The following CYFIP1 variants were observed in gnomAD, a reference collection of about 807,000 sequenced individuals.
CYFIP1 encodes cytoplasmic FMR1 interacting protein 1.
A neutral mutation model predicts 163.5 loss-of-function variants in CYFIP1; 58 were observed. That is an observed-to-expected ratio of 0.35 (90% CI 0.29 to 0.44). The LOEUF is 0.44. CYFIP1 is among the 20% of genes least tolerant of loss of function. The pLI, the probability that CYFIP1 is intolerant of heterozygous loss-of-function variation, is 1.00. For missense variants in CYFIP1, 1,338 were observed against 1,653.8 expected (o/e 0.81, Z 3.31); for synonymous variants, 663 against 660.7 (o/e 1.00, Z -0.05).
Position 22,961,148 on chromosome 15 carries a change from A to G in CYFIP1, c.-6-13857T>C, listed in dbSNP as rs528018141. Among the ~76,000 whole-genome samples, 75 of 151,706 alleles carry G rather than the reference A, an allele frequency of 4.9e-4. No individual in the cohort carries two copies. The East Asian group carries it at 0.01, about 21-fold the overall frequency. On this transcript the variant is annotated intron_variant, in intron 1 of 30. Transcript: ENST00000617928. Reference sequence around the variant, plus strand: ...GTGATTCTCCTGCCTCAGCCTCCCGAGAAGCTGGGATTACAGGGGCTCGCC... The same window carrying G: ...GTGATTCTCCTGCCTCAGCCTCCCGGGAAGCTGGGATTACAGGGGCTCGCC...
At chr15:22,945,492 C>A (rs1488376685) in intron 3 of CYFIP1, among the ~76,000 whole-genome samples, 2 of 152,178 alleles carry the variant, frequency 1.3e-5, no homozygotes, top group African/African-American at 4.8e-5. Context: ...CTTTTGCTTT[C>A]CACTCTTTAA....
chr15:22,916,453 A>T (rs767580146), intron 16 of CYFIP1, 24 bp downstream of exon 16: 1 of 1,552,440 alleles, frequency 6.4e-7, no homozygotes, highest in Non-Finnish European at 8.9e-7. Context: ...GCCAGGCCGG[A>T]TGCTGCTCAG....
chr15:22,903,604 C>G, intron 22 of CYFIP1, 102 bp downstream of exon 22: 1 of 1,239,100 alleles, frequency 8.1e-7, no homozygotes, highest in Non-Finnish European at 1.2e-6. Flanking sequence ...TGGGGAGCAG[C>G]AAGAGCAGGG....
intron 1 of CYFIP1, among the ~76,000 whole-genome samples, chr15:22,970,522 C>T (rs2063057001): frequency 6.6e-6 from 1 of 152,208 alleles, no homozygotes; most frequent in African/African-American, 2.4e-5. Context: ...GGAGACTTCA[C>T]TCCTTTTTAT....
intron 21 of CYFIP1, among the ~76,000 whole-genome samples, chr15:22,906,145 T>C (rs1191147864): frequency 1.3e-5 from 2 of 151,748 alleles, no homozygotes; most frequent in Non-Finnish European, 2.9e-5. Flanking sequence ...CTTGCTCTGT[T>C]GCCTAGGCTG....
intron 1 of CYFIP1, among the ~76,000 whole-genome samples, chr15:22,965,019 G>C (rs1465865859): frequency 1.3e-5 from 2 of 149,406 alleles, no homozygotes; most frequent in African/African-American, 5.0e-5. Flanking sequence ...TCTTTTTAAA[G>C]GCTGAATAGT....
At chr15:22,916,423 T>C (rs923120123) in intron 16 of CYFIP1, 54 bp downstream of exon 16, 6 of 1,312,398 alleles carry the variant, frequency 4.6e-6, no homozygotes, top group Non-Finnish European at 6.5e-6. Context: ...TTCTAGACGG[T>C]GTTAGTGGTG....
rs1299067189 is a variant in CYFIP1, at chr15:22,909,512, C to T, written c.2269-199G>A. ...GGTGTTATGACGATAAATAAAATTACTCCATCTCTATTTTGGCCTACTAGG... is the reference window on the plus strand; with the variant it reads ...GGTGTTATGACGATAAATAAAATTATTCCATCTCTATTTTGGCCTACTAGG... On this transcript the variant is annotated intron_variant, in intron 20 of 30. Transcript: ENST00000617928. Among the ~76,000 whole-genome samples, 3 of 152,252 alleles carry T rather than the reference C, an allele frequency of 2.0e-5. No homozygotes were observed. The East Asian group carries it at 5.8e-4, about 29-fold the overall frequency.
chr15:22,923,499 C>A lies in CYFIP1; in HGVS notation c.1359+2483G>T, dbSNP rs2061255665. Among the ~76,000 whole-genome samples, 2 of 152,068 alleles carry A rather than the reference C, an allele frequency of 1.3e-5. 1 individual carries two copies. Among genetic ancestry groups the A allele is most frequent in the Non-Finnish European group, 2.9e-5 (2 of 68,012 alleles). On this transcript the variant is annotated intron_variant, in intron 13 of 30. Coordinates refer to ENST00000617928, the MANE Select transcript of CYFIP1 (RefSeq NM_014608.6). ...GGTGTGGATGTGGGGAAACTGGAGCCCTCACTTACTGCTGGTAAGAAGGAG... is the reference window on the plus strand; with the variant it reads ...GGTGTGGATGTGGGGAAACTGGAGCACTCACTTACTGCTGGTAAGAAGGAG...
Position 22,943,359 on chromosome 15 carries a change from G to A in CYFIP1, c.388-5C>T, listed in dbSNP as rs758923876. On this transcript the variant is annotated splice_region_variant and splice_polypyrimidine_tract_variant and intron_variant, in intron 5 of 30. Transcript: ENST00000617928. ...GAAACGCTCAATGGCATTTCTCTGT[G>A]CAGAGGAAGCAGGAGGGCAGAAAGC... 2.5e-6 allele frequency: 4 copies of A among 1,613,098 alleles called. No homozygotes were observed. In the South Asian group the frequency reaches 4.4e-5, roughly 18 times the overall value.
At chr15:22,923,492 CTG>C (rs778512931) in intron 13 of CYFIP1, among the ~76,000 whole-genome samples, 4 of 152,146 alleles carry the variant, frequency 2.6e-5, no homozygotes, top group Non-Finnish European at 5.9e-5. Context: ...TGTGGGGAAA[CTG>C]GAGCCCTCAC....
At chr15:22,946,755 G>A in intron 3 of CYFIP1, 1 of 655,468 alleles carries the variant, frequency 1.5e-6, no homozygotes. Flanking sequence ...GCATTAACAG[G>A]GCAGGTGCAC....
At chr15:22,979,041 T>C (rs147864296) in intron 1 of CYFIP1, among the ~76,000 whole-genome samples, 154 of 152,284 alleles carry the variant, frequency 1.0e-3, no homozygotes, top group African/African-American at 3.6e-3. Context: ...GTACATTTTC[T>C]TTGAGCGCAG....
intron 18 of CYFIP1, among the ~76,000 whole-genome samples, chr15:22,911,461 G>A (rs926378826): frequency 3.3e-5 from 5 of 152,330 alleles, no homozygotes; most frequent in Middle Eastern, 3.4e-3. Context: ...AGGCACCACC[G>A]AGGGCCTTCC....
At position 22,881,861 on chromosome 15, in the gene CYFIP1, C is replaced by T. The variant is rs1228994101; in HGVS notation, c.2896G>A (p.Glu966Lys). 2 of 1,611,234 alleles carry T rather than the reference C, an allele frequency of 1.2e-6. No homozygotes were observed. Among genetic ancestry groups the T allele is most frequent in the South Asian group, 1.1e-5 (1 of 91,072 alleles). The change falls in exon 25 of 31, where the codon GAG (glutamate) becomes AAG (lysine). Residue 966 changes from glutamate to lysine, a missense_variant. Around this residue, in one of 4 missense-constraint regions of CYFIP1, gnomAD observed 824 missense variants for 995.7 expected, o/e 0.83. Coordinates refer to ENST00000617928, the MANE Select transcript of CYFIP1 (RefSeq NM_014608.6). ...MPKICRLPRH[E>K]YGSPGILEFF... The stretch of plus-strand genomic sequence containing the variant: ...CCGCACTCACCAGGAGAGCCGTACT[C>T]GTGCCGGGGCAGGCGGCAGATCTTG...
chr15:22,980,863 AC>A (rs899249635), upstream of CYFIP1: 3 of 147,362 alleles, frequency 2.0e-5, no homozygotes, highest in Non-Finnish European at 4.5e-5. Context: ...CCCGCTGGGG[AC>A]CCCCCCGGCC....
intron 1 of CYFIP1, among the ~76,000 whole-genome samples, chr15:22,975,431 G>A (rs1488801772): frequency 3.7e-5 from 4 of 109,056 alleles, no homozygotes; most frequent in Non-Finnish European, 3.5e-5. Flanking sequence ...GACAGAGCGA[G>A]ACTCCGTCTC....
intron 1 of CYFIP1, among the ~76,000 whole-genome samples, chr15:22,967,967 C>G (rs1487988599): frequency 6.6e-6 from 1 of 151,966 alleles, no homozygotes; most frequent in African/African-American, 2.4e-5. Context: ...GAAACCCCGT[C>G]TCTACTAAAA....
At chr15:22,899,020 T>G (rs1456600057) in intron 22 of CYFIP1, among the ~76,000 whole-genome samples, 1 of 151,636 alleles carries the variant, frequency 6.6e-6, no homozygotes, top group Non-Finnish European at 1.5e-5. Context: ...AAAAAATTTG[T>G]AGAGACGAGG....
Sources: allele counts gnomAD v4.1 joint callset (sites outside exome capture counted in the v4.1 genomes callset), GRCh38; gene constraint gnomAD v4.1.1; regional missense constraint gnomAD v4.1.1; transcripts MANE v1.5; gene names NCBI Gene and HGNC (gene_info 2026-07-23, HGNC 2026-07-21).